Variants in SPACA7 observed in about 807,000 individuals in gnomAD.
SPACA7 encodes sperm acrosome-associated protein 7.
SPACA7 carries 19 observed loss-of-function variants against 26.3 expected under a neutral mutation model. The observed-to-expected ratio is 0.72, with a 90% CI of 0.50 to 1.06. The LOEUF is 1.06. SPACA7 is among the 50% of genes least tolerant of loss of function. The probability of loss-of-function intolerance (pLI) is 0.00; values close to 1 mark genes in which losing one functional copy is unlikely to be tolerated. For synonymous variants in SPACA7, 84 were observed against 84.5 expected (o/e 0.99, Z 0.04); for missense variants, 211 against 229.9 (o/e 0.92, Z 0.53).
In SPACA7 at chr13:112,395,443, G is replaced by T. The variant is rs182458461; in HGVS notation, c.151+2366G>T. ...AGCAGGCCAGCCCCCCGGACTGGCT[G>T]CTGCAGGTGTGGTTGGCTCTGTTTC... is the stretch of plus-strand genomic sequence containing the variant. On this transcript the variant is annotated intron_variant, in intron 2 of 6. Coordinates refer to ENST00000283550, the MANE Select transcript of SPACA7 (RefSeq NM_145248.5). 3.3e-3 allele frequency among the ~76,000 whole-genome samples: 502 copies of T among 152,286 alleles called. 1 individual carries two copies. Among genetic ancestry groups the T allele is most frequent in the African/African-American group, 0.012 (479 of 41,570 alleles).
intron 5 of SPACA7, among the ~76,000 whole-genome samples, chr13:112,418,545 A>G (rs981936108): frequency 4.6e-5 from 7 of 152,214 alleles, no homozygotes; most frequent in Admixed American, 3.3e-4. Flanking sequence ...TAATCTGTGA[A>G]ACCAGCATGA....
intron 1 of SPACA7, chr13:112,382,276 A>G: frequency 4.9e-6 from 3 of 616,458 alleles, no homozygotes; most frequent in Non-Finnish European, 8.0e-6. Flanking sequence ...TGTTTTTGAC[A>G]GAGTCTCACT....
intron 5 of SPACA7, among the ~76,000 whole-genome samples, chr13:112,427,613 T>A (rs1375118025): frequency 6.6e-6 from 1 of 152,240 alleles, no homozygotes; most frequent in African/African-American, 2.4e-5. Context: ...TACATTCATA[T>A]GAAATGAATA....
At chr13:112,376,940 A>G (rs1028404535) in intron 1 of SPACA7, among the ~76,000 whole-genome samples, 1 of 152,226 alleles carries the variant, frequency 6.6e-6, no homozygotes, top group African/African-American at 2.4e-5. Flanking sequence ...TCAGACTAAC[A>G]TAATTACCAA....
chr13:112,405,683 C>A (rs1397613091), intron 5 of SPACA7, among the ~76,000 whole-genome samples: 1 of 152,192 alleles, frequency 6.6e-6, no homozygotes, highest in South Asian at 2.1e-4. Flanking sequence ...TAACAACAAC[C>A]TTTTGATTAT....
intron 5 of SPACA7, among the ~76,000 whole-genome samples, chr13:112,416,372 T>C (rs1285476161): frequency 1.3e-5 from 2 of 152,002 alleles, no homozygotes; most frequent in Admixed American, 6.5e-5. Flanking sequence ...CTGCAACCTA[T>C]ACCTCCTGGG....
At chr13:112,380,526 TA>T (rs1883987257) in intron 1 of SPACA7, among the ~76,000 whole-genome samples, 1 of 152,076 alleles carries the variant, frequency 6.6e-6, no homozygotes, top group South Asian at 2.1e-4. Flanking sequence ...AGCTCATCTA[TA>T]AAATCTTATA....
intron 1 of SPACA7, among the ~76,000 whole-genome samples, chr13:112,383,157 GAAAGAAAGAAAGAA>G (rs1884282110): frequency 5.9e-5 from 7 of 119,474 alleles, no homozygotes; most frequent in African/African-American, 2.1e-4. Flanking sequence ...AAGAAAGAAA[GAAAGAAAGAAAGAA>G]AGAAAGAAAG....
chr13:112,377,870 C>A (rs761359213), intron 1 of SPACA7, among the ~76,000 whole-genome samples: 3 of 151,982 alleles, frequency 2.0e-5, no homozygotes, highest in Non-Finnish European at 4.4e-5. Flanking sequence ...GGAATGTCTA[C>A]GAAAAAGAGA....
At chr13:112,379,346 C>T (rs963793515) in intron 1 of SPACA7, among the ~76,000 whole-genome samples, 3 of 152,102 alleles carry the variant, frequency 2.0e-5, no homozygotes, top group Non-Finnish European at 2.9e-5. Context: ...ATTGCAAAAG[C>T]TTTCAAAAAA....
intron 1 of SPACA7, among the ~76,000 whole-genome samples, chr13:112,386,175 C>A (rs1224290101): frequency 6.6e-6 from 1 of 152,226 alleles, no homozygotes; most frequent in African/African-American, 2.4e-5. Flanking sequence ...GACCATCCCC[C>A]ATGGGAGTCC....
chr13:112,391,981 C>A (rs1025339052), intron 1 of SPACA7, among the ~76,000 whole-genome samples: 5 of 152,154 alleles, frequency 3.3e-5, no homozygotes, highest in African/African-American at 1.2e-4. Flanking sequence ...TGCAGATTGT[C>A]TGTCATTAAA....
At chr13:112,386,443 C>G (rs1884530466) in intron 1 of SPACA7, among the ~76,000 whole-genome samples, 1 of 152,106 alleles carries the variant, frequency 6.6e-6, no homozygotes, top group Non-Finnish European at 1.5e-5. Flanking sequence ...AGGGATTTAT[C>G]CACTTTTAAT....
chr13:112,388,273 C>T (rs772088503), intron 1 of SPACA7, among the ~76,000 whole-genome samples: 3 of 152,174 alleles, frequency 2.0e-5, no homozygotes, highest in Non-Finnish European at 4.4e-5. Context: ...TGAGAAGTCT[C>T]CCAAACCAGG....
chr13:112,417,842 G>A (rs1248412155), intron 5 of SPACA7, among the ~76,000 whole-genome samples: 2 of 152,190 alleles, frequency 1.3e-5, no homozygotes, highest in South Asian at 2.1e-4. Context: ...TGGAGTGAAT[G>A]TAGGGCAGGA....
rs2138951027 is a variant in SPACA7 at position 112,399,172 on chromosome 13, T to C, written c.348T>C (p.Asp116=). Residue 116 remains aspartate, a splice_region_variant and synonymous_variant, in exon 4 of 7, where the codon GAT becomes GAC. Coordinates refer to ENST00000283550, the MANE Select transcript of SPACA7 (RefSeq NM_145248.5). The part of the protein sequence containing the change: ...SPGIEVKISN[D]EANANANLHG... ...GCATTGAGGTCAAAATTTCCAATGATGGTAAATGCAACCCAGTAATTACCC... is the reference window on the plus strand; with the variant it reads ...GCATTGAGGTCAAAATTTCCAATGACGGTAAATGCAACCCAGTAATTACCC... 5 of 1,512,990 alleles carry C rather than the reference T, an allele frequency of 3.3e-6. No homozygotes were observed. The highest frequency in any genetic ancestry group is 4.5e-5 in the East Asian group (2 of 44,388). 93.7% of individuals were successfully genotyped at this position (1,512,990 alleles called of 1,614,324 possible).
At chr13:112,391,627 T>C (rs192956140) in intron 1 of SPACA7, among the ~76,000 whole-genome samples, 157 of 152,326 alleles carry the variant, frequency 1.0e-3, no homozygotes, top group Admixed American at 1.9e-3. Context: ...ATGAAGGATA[T>C]GGCAAAGCCA....
intron 5 of SPACA7, among the ~76,000 whole-genome samples, chr13:112,410,112 A>G (rs1267961089): frequency 6.6e-6 from 1 of 152,166 alleles, no homozygotes; most frequent in African/African-American, 2.4e-5. Flanking sequence ...AAACTATCGC[A>G]AGGACAAAAA....
In SPACA7 at chr13:112,432,539, G is replaced by A. The variant is rs200238850; in HGVS notation, c.523+18G>A. ...ATCTTCAGGTAGATTGGAAATAATA[G>A]ATAAGTGTCTTCTCATTTGGGGATT... is the stretch of plus-strand genomic sequence containing the variant. On this transcript the variant is annotated intron_variant, in intron 6 of 6. Coordinates refer to ENST00000283550, the MANE Select transcript of SPACA7 (RefSeq NM_145248.5). 6 of 1,534,744 alleles carry A rather than the reference G, an allele frequency of 3.9e-6. No homozygotes were observed. Among genetic ancestry groups the A allele is most frequent in the Non-Finnish European group, 5.4e-6 (6 of 1,107,830 alleles).
Sources: allele counts gnomAD v4.1 joint callset (sites outside exome capture counted in the v4.1 genomes callset), GRCh38; gene constraint gnomAD v4.1.1; transcripts MANE v1.5; gene names NCBI Gene and HGNC (gene_info 2026-07-23, HGNC 2026-07-21).